RORA: variants seen among roughly 807,000 people sequenced by gnomAD.
RORA encodes the protein nuclear receptor ROR-alpha.
Under a neutral mutation model 69.5 loss-of-function variants are expected in RORA, and 7 were observed. The observed-to-expected ratio is 0.10, with a 90% CI of 0.06 to 0.19. The LOEUF (loss-of-function observed/expected upper bound fraction) is 0.19, where lower values mean the gene tolerates loss of function less well. Ranked by LOEUF, RORA falls within the 10% of genes least tolerant of loss-of-function variation. The pLI is 1.00. For synonymous variants in RORA, 261 were observed against 240.8 expected, an observed-to-expected ratio of 1.08 and a Z score of -0.78; for missense variants, 457 against 663.0, an observed-to-expected ratio of 0.69 and a Z score of 3.41.
chr15:61,024,092 T>C (rs1895677395), intron 1 of RORA, among the ~76,000 whole-genome samples: 1 of 152,074 alleles, frequency 6.6e-6, no homozygotes, highest in Non-Finnish European at 1.5e-5. Flanking sequence ...TTATTTAATA[T>C]GCACAACACC....
At chr15:61,221,438 CA>C (rs897721831) in intron 1 of RORA, among the ~76,000 whole-genome samples, 2 of 152,062 alleles carry the variant, frequency 1.3e-5, no homozygotes, top group Admixed American at 1.3e-4. Context: ...TTTGCTTATA[CA>C]AAAAAGTCAG....
At chr15:60,736,512 A>C (rs144514829) in intron 1 of RORA, among the ~76,000 whole-genome samples, 1 of 152,170 alleles carries the variant, frequency 6.6e-6, no homozygotes, top group African/African-American at 2.4e-5. Context: ...CTCTGATTTG[A>C]TATTCTGTTA....
At chr15:60,922,537 T>C (rs544254408) in intron 1 of RORA, among the ~76,000 whole-genome samples, 4 of 152,338 alleles carry the variant, frequency 2.6e-5, no homozygotes, top group Admixed American at 2.6e-4. Context: ...TACTATCCTA[T>C]TTCTTGTCCA....
chr15:60,849,465 G>A (rs951742892), intron 1 of RORA, among the ~76,000 whole-genome samples: 6 of 152,190 alleles, frequency 3.9e-5, no homozygotes, highest in African/African-American at 1.4e-4. Context: ...TGCTATTTAC[G>A]AGGTACCATG....
chr15:60,515,943 ATATATT>A (rs1567050775), intron 3 of RORA, among the ~76,000 whole-genome samples: 3 of 12,748 alleles, frequency 2.4e-4, no homozygotes, highest in African/African-American at 1.2e-3. Context: ...ATATATTTAT[ATATATT>A]TATATATTTA....
intron 1 of RORA, among the ~76,000 whole-genome samples, chr15:61,021,948 G>C (rs1196510997): frequency 6.6e-6 from 1 of 152,150 alleles, no homozygotes; most frequent in African/African-American, 2.4e-5. Flanking sequence ...CACCTGGATG[G>C]GCTTCATATG....
chr15:60,748,707 C>G (rs928885582), intron 1 of RORA, among the ~76,000 whole-genome samples: 7 of 152,140 alleles, frequency 4.6e-5, no homozygotes, highest in Admixed American at 1.3e-4. Flanking sequence ...ACTCTTACCA[C>G]CCTAATTTTT....
At chr15:61,115,132 G>A (rs763377406) in intron 1 of RORA, among the ~76,000 whole-genome samples, 2 of 152,120 alleles carry the variant, frequency 1.3e-5, no homozygotes, top group South Asian at 2.1e-4. Flanking sequence ...CAGCACCCAC[G>A]GGTTTAGAGT....
intron 1 of RORA, among the ~76,000 whole-genome samples, chr15:61,090,839 T>C (rs901220271): frequency 1.3e-5 from 2 of 152,156 alleles, no homozygotes; most frequent in African/African-American, 4.8e-5. Context: ...CCCTGCCTGA[T>C]AGCTTTTGTC....
At chr15:60,807,422 T>C (rs997533896) in intron 1 of RORA, among the ~76,000 whole-genome samples, 1 of 152,136 alleles carries the variant, frequency 6.6e-6, no homozygotes, top group Admixed American at 6.5e-5. Context: ...AAAGAAATCA[T>C]AGATGACACA....
At chr15:60,647,458 G>C (rs114342114) in intron 2 of RORA, among the ~76,000 whole-genome samples, 1,636 of 152,288 alleles carry the variant, frequency 0.011, 26 homozygotes, top group African/African-American at 0.037. Flanking sequence ...CCAGCGTTTT[G>C]ATCACTGCCA....
chr15:60,744,102 AAGG>A (rs1286477909), intron 1 of RORA, among the ~76,000 whole-genome samples: 4 of 149,050 alleles, frequency 2.7e-5, no homozygotes, highest in Admixed American at 6.6e-5. Context: ...TTTTTTTGAG[AAGG>A]AGGAGTGATT....
At chr15:60,772,140 G>A (rs2072085550) in intron 1 of RORA, among the ~76,000 whole-genome samples, 1 of 152,094 alleles carries the variant, frequency 6.6e-6, no homozygotes, top group Non-Finnish European at 1.5e-5. Context: ...CATGTGCCAT[G>A]TTGGTTTGCT....
At chr15:60,713,572 C>T (rs2071175082) in intron 1 of RORA, among the ~76,000 whole-genome samples, 1 of 152,178 alleles carries the variant, frequency 6.6e-6, no homozygotes, top group African/African-American at 2.4e-5. Flanking sequence ...ACTCTCCTCA[C>T]TTTTCTCTCC....
chr15:60,650,856 C>G (rs2070132446), intron 2 of RORA: 1 of 152,132 alleles, frequency 6.6e-6, no homozygotes. Flanking sequence ...ATCCTCATAA[C>G]CATGTTTTGG....
At chr15:60,712,361 T>C (rs908254776) in intron 1 of RORA, among the ~76,000 whole-genome samples, 6 of 152,326 alleles carry the variant, frequency 3.9e-5, no homozygotes, top group African/African-American at 1.4e-4. Context: ...TCCTGCATTA[T>C]ACAACTAAAT....
At chr15:60,688,535 T>G (rs998985529) in intron 1 of RORA, among the ~76,000 whole-genome samples, 2 of 152,216 alleles carry the variant, frequency 1.3e-5, no homozygotes, top group African/African-American at 4.8e-5. Flanking sequence ...CTGTGACTGT[T>G]AGGAGACCCA....
chr15:61,205,222 G>A (rs1350771472), intron 1 of RORA, among the ~76,000 whole-genome samples: 1 of 152,194 alleles, frequency 6.6e-6, no homozygotes, highest in Non-Finnish European at 1.5e-5. Flanking sequence ...GCTGAATAAA[G>A]CCATTCCTCA....
chr15:60,972,996 G>GA (rs34309313), intron 1 of RORA, among the ~76,000 whole-genome samples: 77,827 of 144,750 alleles, frequency 0.54, 21,426 homozygotes, highest in Non-Finnish European at 0.64. Flanking sequence ...GCATTTGGGA[G>GA]AAAAAAAAAA....
Sources: gnomAD v4.1 joint callset for allele counts (sites outside exome capture counted in the v4.1 genomes callset) on GRCh38, gnomAD v4.1.1 for gene constraint, MANE v1.5 for transcripts, NCBI Gene and HGNC (gene_info 2026-07-23, HGNC 2026-07-21) for gene names.